ZMYM2: variants seen among roughly 807,000 people sequenced by gnomAD.
ZMYM2 encodes the protein zinc finger MYM-type protein 2.
Under a neutral mutation model 162.8 loss-of-function variants are expected in ZMYM2, and 56 were observed. That is an observed-to-expected ratio of 0.34 (90% CI 0.28 to 0.43). ZMYM2 has a LOEUF of 0.43. Ranked by LOEUF, ZMYM2 falls within the 20% of genes least tolerant of loss-of-function variation. The probability of loss-of-function intolerance (pLI) is 1.00; values close to 1 mark genes in which losing one functional copy is unlikely to be tolerated. For synonymous variants in ZMYM2, 510 were observed against 541.6 expected, an observed-to-expected ratio of 0.94 and a Z score of 0.81; for missense variants, 1,275 against 1,621.8, an observed-to-expected ratio of 0.79 and a Z score of 3.67.
chr13:19,979,293 T>G (rs1957085983), intron 2 of ZMYM2, among the ~76,000 whole-genome samples: 1 of 152,186 alleles, frequency 6.6e-6, no homozygotes, highest in South Asian at 2.1e-4. Context: ...TTTATCATCA[T>G]CATATTAGGG....
chr13:20,023,660 A>C (rs1354687679), intron 7 of ZMYM2, among the ~76,000 whole-genome samples: 1 of 152,176 alleles, frequency 6.6e-6, no homozygotes, highest in Non-Finnish European at 1.5e-5. Context: ...CATGCCCAAA[A>C]AGGGAATATT....
chr13:19,942,014 G>T, the ZMYM2 span, among the ~76,000 whole-genome samples: 8 of 151,808 alleles, frequency 5.3e-5, no homozygotes, highest in African/African-American at 1.9e-4. Context: ...CCAAAGTGCT[G>T]GATTACAGGC....
At chr13:19,888,110 CTCAAGTGA>C in the ZMYM2 span, among the ~76,000 whole-genome samples, 76 of 151,938 alleles carry the variant, frequency 5.0e-4, 2 homozygotes, top group Admixed American at 1.1e-3. Flanking sequence ...AACTCCTGGG[CTCAAGTGA>C]TCCTCCTAGC....
chr13:20,032,086 G>A (rs1953215227), intron 10 of ZMYM2, among the ~76,000 whole-genome samples: 1 of 151,840 alleles, frequency 6.6e-6, no homozygotes, highest in East Asian at 1.9e-4. Context: ...GGCCAGGCTG[G>A]TCTCGATCTC....
At chr13:20,053,819 AC>A (rs920498428) in intron 14 of ZMYM2, among the ~76,000 whole-genome samples, 2 of 151,822 alleles carry the variant, frequency 1.3e-5, no homozygotes, top group South Asian at 2.1e-4. Flanking sequence ...CTTTTTCCAT[AC>A]CCCCCCTTAT....
the ZMYM2 span, among the ~76,000 whole-genome samples, chr13:19,932,522 G>A: frequency 6.6e-6 from 1 of 152,014 alleles, no homozygotes; most frequent in Non-Finnish European, 1.5e-5. Flanking sequence ...GGTGGTGCGC[G>A]CCTGTAATCC....
intron 2 of ZMYM2, among the ~76,000 whole-genome samples, chr13:19,978,826 CAT>C (rs1363575586): frequency 6.6e-6 from 1 of 152,186 alleles, no homozygotes; most frequent in Non-Finnish European, 1.5e-5. Context: ...TACCTTCACT[CAT>C]ATGCTTTATT....
At chr13:19,939,934 A>G in the ZMYM2 span, among the ~76,000 whole-genome samples, 1 of 152,264 alleles carries the variant, frequency 6.6e-6, no homozygotes, top group Non-Finnish European at 1.5e-5. Context: ...CTACTACACA[A>G]CAGTGAAAAG....
intron 16 of ZMYM2, among the ~76,000 whole-genome samples, chr13:20,060,659 C>T: frequency 6.7e-6 from 1 of 149,082 alleles, no homozygotes; most frequent in East Asian, 2.0e-4. Context: ...GCCTGGGCAA[C>T]AAGAGTGAAA....
At chr13:19,967,414 A>G (rs1673319084) in intron 2 of ZMYM2, among the ~76,000 whole-genome samples, 1 of 152,160 alleles carries the variant, frequency 6.6e-6, no homozygotes, top group African/African-American at 2.4e-5. Context: ...CATTTTTCTC[A>G]TTGTAGCATG....
chr13:19,978,753 TA>T (rs551696564), intron 2 of ZMYM2, among the ~76,000 whole-genome samples: 1 of 152,166 alleles, frequency 6.6e-6, no homozygotes, highest in Non-Finnish European at 1.5e-5. Context: ...TTATATCATA[TA>T]AAAAAATTAA....
chr13:19,883,994 G>C, the ZMYM2 span, among the ~76,000 whole-genome samples: 1 of 152,190 alleles, frequency 6.6e-6, no homozygotes, highest in African/African-American at 2.4e-5. Context: ...TCACCTCCAA[G>C]TGATCCGCCC....
chr13:19,914,025 C>A, the ZMYM2 span, among the ~76,000 whole-genome samples: 2 of 152,128 alleles, frequency 1.3e-5, no homozygotes, highest in South Asian at 4.1e-4. Flanking sequence ...AAACTTGGGA[C>A]AAGGAATAGG....
At chr13:20,082,757 T>C (rs760021303) in intron 22 of ZMYM2, 24 bp from the exon 23 acceptor site, 2 of 1,488,366 alleles carry the variant, frequency 1.3e-6, no homozygotes, top group South Asian at 1.4e-5. Context: ...TATAATTCTT[T>C]TAAAATAGTT....
intron 7 of ZMYM2, 89 bp downstream of exon 7, chr13:20,019,707 C>A: frequency 3.3e-6 from 4 of 1,209,674 alleles, no homozygotes; most frequent in Non-Finnish European, 3.5e-6. Context: ...AAATCTTGTC[C>A]AATTTGAAAT....
chr13:19,870,156 TTTTA>T, the ZMYM2 span, among the ~76,000 whole-genome samples: 1,018 of 152,244 alleles, frequency 6.7e-3, 8 homozygotes, highest in Middle Eastern at 0.024. Flanking sequence ...ACACTGCCTT[TTTTA>T]TTTATTTATT....
At chr13:20,058,787 T>C (rs1165874291) in intron 15 of ZMYM2, 83 bp downstream of exon 15, 17 of 1,535,326 alleles carry the variant, frequency 1.1e-5, no homozygotes, top group Non-Finnish European at 1.5e-5. Context: ...GAATGACACC[T>C]CCAGGATAGA....
At chr13:20,054,914 G>A (rs752345910) in intron 14 of ZMYM2, among the ~76,000 whole-genome samples, 20 of 151,804 alleles carry the variant, frequency 1.3e-4, no homozygotes, top group Non-Finnish European at 2.8e-4. Context: ...CTTGCCTGAC[G>A]TCACACAGCA....
upstream of ZMYM2, among the ~76,000 whole-genome samples, chr13:19,957,193 T>C (rs980758844): frequency 6.6e-6 from 1 of 152,232 alleles, no homozygotes; most frequent in Admixed American, 6.5e-5. Flanking sequence ...GATTATCCTC[T>C]GTAAGTTGCG....
Sources: allele counts gnomAD v4.1 joint callset (sites outside exome capture counted in the v4.1 genomes callset), GRCh38; gene constraint gnomAD v4.1.1; transcripts MANE v1.5; gene names NCBI Gene and HGNC (gene_info 2026-07-23, HGNC 2026-07-21).